Variants in PPIP5K2 observed in about 807,000 individuals in gnomAD.
PPIP5K2 encodes inositol hexakisphosphate and diphosphoinositol-pentakisphosphate kinase 2.
A neutral mutation model predicts 154.6 loss-of-function variants in PPIP5K2; 105 were observed. The ratio of observed to expected loss-of-function variants is 0.68; its 90% CI spans 0.58 to 0.80. The LOEUF (loss-of-function observed/expected upper bound fraction) is 0.80. PPIP5K2 is among the 30% of genes least tolerant of loss of function. PPIP5K2 has a pLI of 0.00. For missense variants in PPIP5K2, 992 were observed against 1,504.6 expected, an observed-to-expected ratio of 0.66 and a Z score of 5.64; for synonymous variants, 480 against 490.3, an observed-to-expected ratio of 0.98 and a Z score of 0.28.
chr5:103,124,713 G>C (rs1583172726), intron 1 of PPIP5K2, among the ~76,000 whole-genome samples: 1 of 152,160 alleles, frequency 6.6e-6, no homozygotes, highest in East Asian at 1.9e-4. Context: ...TATTTGTACA[G>C]TATCCTGGGG....
chr5:103,208,899 A>ATTTT lies in PPIP5K2; in HGVS notation c.*7268_*7271dup, dbSNP rs1171028989. On this transcript the variant is annotated 3_prime_UTR_variant, in exon 31 of 31. Coordinates refer to ENST00000358359, the MANE Select transcript of PPIP5K2 (RefSeq NM_001276277.3). ...ATGTTTCTCTTCATATTTGATGATA[A>ATTTT]TTTTTTAAATTAAGACCTAATTTCT... 1 of 152,054 alleles carries ATTTT rather than the reference A, an allele frequency of 6.6e-6. No individual in the cohort carries two copies. The highest frequency in any genetic ancestry group is 1.5e-5 in the Non-Finnish European group (1 of 68,004). 9.4% of individuals were successfully genotyped at this position (152,054 alleles called of 1,614,324 possible).
At chr5:103,130,432 T>C (rs782068825) in intron 2 of PPIP5K2, among the ~76,000 whole-genome samples, 25 of 152,328 alleles carry the variant, frequency 1.6e-4, no homozygotes, top group Non-Finnish European at 2.4e-4. Context: ...ATATTTCTAA[T>C]TGGAAAGAGA....
intron 3 of PPIP5K2, chr5:103,136,026 C>T (rs1438761023): frequency 1.5e-5 from 2 of 131,696 alleles, no homozygotes; most frequent in African/African-American, 5.8e-5. Flanking sequence ...GGCTGGAGTA[C>T]AATGGCACGA....
chr5:103,150,258 G>T (rs1421801344), intron 8 of PPIP5K2, among the ~76,000 whole-genome samples: 1 of 152,138 alleles, frequency 6.6e-6, no homozygotes, highest in Non-Finnish European at 1.5e-5. Flanking sequence ...CTGTAAATAA[G>T]TTTTAATAGC....
intron 17 of PPIP5K2, among the ~76,000 whole-genome samples, chr5:103,165,944 ATTGTGC>A: frequency 6.6e-6 from 1 of 152,244 alleles, no homozygotes; most frequent in East Asian, 1.9e-4. Context: ...TGCCAGAACC[ATTGTGC>A]TCAGATCAGC....
At chr5:103,175,116 A>G (rs552141685) in intron 21 of PPIP5K2, among the ~76,000 whole-genome samples, 127 of 152,286 alleles carry the variant, frequency 8.3e-4, no homozygotes, top group African/African-American at 3.0e-3. Context: ...AAAGTGATCT[A>G]TAAAAGAAAA....
chr5:103,185,465 A>G, intron 26 of PPIP5K2, among the ~76,000 whole-genome samples: 1 of 152,128 alleles, frequency 6.6e-6, no homozygotes, highest in East Asian at 1.9e-4. Flanking sequence ...ATACCTACAT[A>G]CTTGAGGATC....
chr5:103,156,974 A>C (rs1311438158), intron 14 of PPIP5K2, among the ~76,000 whole-genome samples: 1 of 152,146 alleles, frequency 6.6e-6, no homozygotes, highest in African/African-American at 2.4e-5. Context: ...GTTAATAGTA[A>C]TACAGGTTAA....
At chr5:103,200,692 G>T (rs1802842588) in intron 30 of PPIP5K2, among the ~76,000 whole-genome samples, 1 of 151,484 alleles carries the variant, frequency 6.6e-6, no homozygotes, top group Non-Finnish European at 1.5e-5. Flanking sequence ...CTGGACTGCA[G>T]TGGTGCAATC....
At chr5:103,122,743 ATTTTGAGAGCAGAGATTTACTAG>A (rs1788979097) in intron 1 of PPIP5K2, among the ~76,000 whole-genome samples, 1 of 152,146 alleles carries the variant, frequency 6.6e-6, no homozygotes, top group Non-Finnish European at 1.5e-5. Flanking sequence ...ATTTCCTCTG[ATTTTGAGAGCAGAGATTTACTAG>A]TTTATAGTTG....
At chr5:103,160,059 G>A (rs1361744267) in intron 17 of PPIP5K2, among the ~76,000 whole-genome samples, 1 of 152,086 alleles carries the variant, frequency 6.6e-6, no homozygotes, top group Non-Finnish European at 1.5e-5. Context: ...TTAACATAGT[G>A]TCTTCTAGGT....
chr5:103,166,985 G>C (rs1282573552), intron 17 of PPIP5K2, among the ~76,000 whole-genome samples, 194 bp from the exon 18 acceptor site: 1 of 151,800 alleles, frequency 6.6e-6, no homozygotes, highest in East Asian at 1.9e-4. Context: ...GTAACTTTTA[G>C]GGAAAAACCC....
chr5:103,201,683 C>A lies in PPIP5K2; in HGVS notation c.*49C>A. On this transcript the variant is annotated 3_prime_UTR_variant, in exon 31 of 31. Coordinates refer to ENST00000358359, the MANE Select transcript of PPIP5K2 (RefSeq NM_001276277.3). ...TTTATACTTATAAAAATAGTATGTT[C>A]TTATGTTTCTCCTTATGCATTTATG... 2 of 1,263,108 alleles carry A rather than the reference C, an allele frequency of 1.6e-6. No homozygotes were observed. Among genetic ancestry groups the A allele is most frequent in the South Asian group, 1.4e-5 (1 of 72,800 alleles). The allele number at this position is 1,263,108 out of a possible 1,614,324, so 78.2% of individuals were successfully genotyped here. A position where few individuals can be genotyped will look rare whatever the true frequency, so the allele number is the denominator to read the frequency against.
chr5:103,148,385 C>T (rs1794079723), intron 7 of PPIP5K2: 1 of 245,934 alleles, frequency 4.1e-6, no homozygotes, highest in Non-Finnish European at 8.1e-6. Flanking sequence ...CCACAGTTTC[C>T]AAGCAGTGAT....
intron 14 of PPIP5K2, 73 bp from the exon 15 acceptor site, chr5:103,158,115 G>GA (rs1413002586): frequency 1.3e-5 from 19 of 1,500,498 alleles, no homozygotes; most frequent in Middle Eastern, 4.1e-4. Flanking sequence ...AGAGCACAGA[G>GA]AAAAAAATGA....
In PPIP5K2 at chr5:103,207,114, A is replaced by T. The variant is rs1356876269; in HGVS notation, c.*5480A>T. Reference sequence around the variant, plus strand: ...CAGGGGGTCCTGAGCACCAGATACAACTCCCTCCAGAGACTGGCTGTGTTT... The same window carrying T: ...CAGGGGGTCCTGAGCACCAGATACATCTCCCTCCAGAGACTGGCTGTGTTT... On this transcript the variant is annotated 3_prime_UTR_variant, in exon 31 of 31. Transcript: ENST00000358359. 6.6e-6 allele frequency: 1 copy of T among 151,960 alleles called. No homozygotes were observed. The highest frequency in any genetic ancestry group is 1.5e-5 in the Non-Finnish European group (1 of 68,032). 9.4% of individuals were successfully genotyped at this position (151,960 alleles called of 1,614,324 possible). A position where few individuals can be genotyped will look rare whatever the true frequency, so the allele number is the denominator to read the frequency against.
At position 103,183,312 on chromosome 5, in the gene PPIP5K2, C is replaced by T. The variant is rs369404751; in HGVS notation, c.3001C>T (p.Arg1001Cys). The part of the protein sequence containing the change: ...LHYTSGVGTG[R>C]RRRRSGEQIT... ...TTATACCAGTGGTGTGGGTACTGGG[C>T]GTCGAAGACGCAGATCAGGGGAACA... The change falls in exon 25 of 31, where the codon CGT (arginine) becomes TGT (cysteine). Residue 1001 changes from arginine (R) to cysteine (C), a missense_variant. Physicochemically the swap from Arg to Cys is radical, Grantham distance 180. Coordinates refer to ENST00000358359, the MANE Select transcript of PPIP5K2 (RefSeq NM_001276277.3). 4 of 1,597,486 alleles carry T rather than the reference C, an allele frequency of 2.5e-6. No individual in the cohort carries two copies. The highest frequency in any genetic ancestry group is 1.8e-5 in the Admixed American group (1 of 56,978).
At chr5:103,152,546 C>A (rs1390748159) in intron 9 of PPIP5K2, 102 bp from the exon 10 acceptor site, 7 of 666,414 alleles carry the variant, frequency 1.1e-5, no homozygotes, top group South Asian at 2.0e-5. Context: ...GTGATGTAAT[C>A]ACTAGATAGT....
chr5:103,193,842 G>A (rs1554227619), intron 29 of PPIP5K2, among the ~76,000 whole-genome samples: 1 of 152,102 alleles, frequency 6.6e-6, no homozygotes, highest in Non-Finnish European at 1.5e-5. Context: ...TGCCAGTAGT[G>A]TCTCCTTCTC....
Sources: gnomAD v4.1 joint callset for allele counts (sites outside exome capture counted in the v4.1 genomes callset) on GRCh38, gnomAD v4.1.1 for gene constraint, MANE v1.5 for transcripts, NCBI Gene and HGNC (gene_info 2026-07-23, HGNC 2026-07-21) for gene names.